The following NDRG1 variants were observed in gnomAD, a reference collection of about 807,000 sequenced individuals.
The protein encoded by NDRG1 is N-myc downstream regulated 1.
In NDRG1, 32 loss-of-function variants were observed where a neutral mutation model predicts 56.9. The observed-to-expected ratio is 0.56, with a 90% confidence interval of 0.42 to 0.76. The LOEUF is 0.76. Among genes scored for constraint, NDRG1 ranks in the 30% least tolerant of loss-of-function variants. The probability of loss-of-function intolerance (pLI) is 0.00; values close to 1 mark genes in which losing one functional copy is unlikely to be tolerated. For synonymous variants in NDRG1, 211 were observed against 204.1 expected (o/e 1.03, Z -0.29); for missense variants, 507 against 545.7 (o/e 0.93, Z 0.71).
chr8:133,258,730 A>T (rs1410151926), intron 6 of NDRG1, among the ~76,000 whole-genome samples: 1 of 152,274 alleles, frequency 6.6e-6, no homozygotes, highest in African/African-American at 2.4e-5. Context: ...TTTATTTTGG[A>T]TTCTAAAACT....
intron 3 of NDRG1, among the ~76,000 whole-genome samples, chr8:133,268,629 C>T (rs1003775009): frequency 1.1e-4 from 17 of 152,236 alleles, no homozygotes; most frequent in Admixed American, 3.3e-4. Context: ...CACCGGGAGG[C>T]CCATCAATCC....
At chr8:133,241,998 T>C (rs1344447229) in intron 15 of NDRG1, 25 bp downstream of exon 15, 1 of 1,613,920 alleles carries the variant, frequency 6.2e-7, no homozygotes, top group Non-Finnish European at 8.5e-7. Flanking sequence ...CCCGACCCAC[T>C]GCACACGGGG....
chr8:133,275,823 T>C (rs890628999), intron 3 of NDRG1, among the ~76,000 whole-genome samples: 1 of 152,150 alleles, frequency 6.6e-6, no homozygotes, highest in Admixed American at 6.5e-5. Flanking sequence ...GTCCTCTCTC[T>C]CCGTAGGATG....
chr8:133,274,505 G>A (rs1857355595), intron 3 of NDRG1, among the ~76,000 whole-genome samples: 1 of 152,156 alleles, frequency 6.6e-6, no homozygotes, highest in Non-Finnish European at 1.5e-5. Flanking sequence ...CTATGCCCAG[G>A]GCAAGAACTG....
chr8:133,269,651 C>CTGTT (rs1857093718), intron 3 of NDRG1, among the ~76,000 whole-genome samples: 1 of 152,222 alleles, frequency 6.6e-6, no homozygotes, highest in Non-Finnish European at 1.5e-5. Context: ...CATCCAAAGC[C>CTGTT]TGTTCTCTTT....
chr8:133,288,747 C>G (rs528925886), intron 1 of NDRG1, among the ~76,000 whole-genome samples: 2 of 152,356 alleles, frequency 1.3e-5, no homozygotes, highest in East Asian at 3.9e-4. Flanking sequence ...CCACCAGCCC[C>G]ACCTTTGGAG....
At chr8:133,246,504 T>C (rs949922257) in intron 13 of NDRG1, 112 bp downstream of exon 13, 11 of 1,100,718 alleles carry the variant, frequency 1.0e-5, no homozygotes, top group South Asian at 9.9e-5. Context: ...TCATTAATTC[T>C]ATAGTTTCTG....
chr8:133,291,072 G>A (rs1025929582), intron 1 of NDRG1, among the ~76,000 whole-genome samples: 4 of 152,098 alleles, frequency 2.6e-5, no homozygotes, highest in Admixed American at 6.5e-5. Context: ...GGGGGAGGGC[G>A]GACAACAGTC....
chr8:133,253,801 C>A (rs1856207784), intron 9 of NDRG1, among the ~76,000 whole-genome samples: 1 of 152,294 alleles, frequency 6.6e-6, no homozygotes, highest in South Asian at 2.1e-4. Context: ...TGGGCTCAAG[C>A]AATCCTCCTG....
intron 1 of NDRG1, among the ~76,000 whole-genome samples, chr8:133,295,715 A>G (rs769930676): frequency 2.0e-4 from 30 of 152,164 alleles, no homozygotes; most frequent in Non-Finnish European, 3.7e-4. Context: ...GTTTGTATTT[A>G]GATATGTTCT....
At chr8:133,247,974 A>G in intron 11 of NDRG1, 48 bp from the exon 12 acceptor site, 1 of 1,591,932 alleles carries the variant, frequency 6.3e-7, no homozygotes, top group East Asian at 2.2e-5. Context: ...TCCTTTAAAG[A>G]TTGTCCCACT....
intron 1 of NDRG1, among the ~76,000 whole-genome samples, chr8:133,296,216 T>C (rs1586512596): frequency 1.8e-5 from 2 of 111,694 alleles, no homozygotes; most frequent in Non-Finnish European, 3.5e-5. Flanking sequence ...TTTTCCCCCG[T>C]GGAGGGCAGG....
chr8:133,260,120 G>T (rs1315760330), intron 5 of NDRG1, among the ~76,000 whole-genome samples: 1 of 152,218 alleles, frequency 6.6e-6, no homozygotes, highest in African/African-American at 2.4e-5. Flanking sequence ...CCTAAGGTGT[G>T]ACACTGGAGA....
At position 133,246,604 on chromosome 8, in the gene NDRG1, T is replaced by C. The variant is rs771580539; in HGVS notation, c.855+12A>G. 1.9e-6 allele frequency: 3 copies of C among 1,613,976 alleles called. No homozygotes were observed. The South Asian group carries it at 3.3e-5, about 18-fold the overall frequency. On this transcript the variant is annotated intron_variant, in intron 13 of 15. Transcript: ENST00000323851. The stretch of plus-strand genomic sequence containing the variant: ...AAATAACAAACACGAACCCCCACTG[T>C]TTTCCCTGTACCTTGAGGAGAGTGG...
rs1856520326 is a variant in NDRG1 at position 133,258,870 on chromosome 8, C to G, written c.389+298G>C. ...GGACTCAGGCAACTCCATTCCAGAA[C>G]ATTCCATGGGAAAGAGAAGGGAATG... On this transcript the variant is annotated intron_variant, in intron 6 of 15. Coordinates refer to ENST00000323851, the MANE Select transcript of NDRG1 (RefSeq NM_006096.4). 6 of 533,062 alleles carry G rather than the reference C, an allele frequency of 1.1e-5. No individual in the cohort carries two copies. The Admixed American group carries it at 1.9e-4, about 17-fold the overall frequency. 33.0% of individuals were successfully genotyped at this position (533,062 alleles called of 1,614,324 possible).
At chr8:133,265,417 T>G (rs1288606460) in intron 3 of NDRG1, among the ~76,000 whole-genome samples, 1 of 152,018 alleles carries the variant, frequency 6.6e-6, no homozygotes, top group Non-Finnish European at 1.5e-5. Context: ...TGAAAGACGG[T>G]TTGGGGATGG....
In NDRG1 at chr8:133,238,730, T is replaced by C. The variant is rs1855200674; in HGVS notation, c.*148A>G. ...AGGGCACCCACGTAATAGACCTCAT[T>C]TGTCTCCACCAGAGCTCACTCTTAC... On this transcript the variant is annotated 3_prime_UTR_variant, in exon 16 of 16. Transcript: ENST00000323851. 9.8e-7 allele frequency: 1 copy of C among 1,016,920 alleles called. No homozygotes were observed. Among genetic ancestry groups the C allele is most frequent in the Non-Finnish European group, 1.4e-6 (1 of 716,436 alleles). 63.0% of individuals were successfully genotyped at this position (1,016,920 alleles called of 1,614,324 possible).
chr8:133,238,830 G>A lies in NDRG1; in HGVS notation c.*48C>T, dbSNP rs1390985905. 20 of 1,529,484 alleles carry A rather than the reference G, an allele frequency of 1.3e-5. No homozygotes were observed. Among genetic ancestry groups the A allele is most frequent in the Non-Finnish European group, 1.8e-5 (20 of 1,141,412 alleles). 94.7% of individuals were successfully genotyped at this position (1,529,484 alleles called of 1,614,324 possible). On this transcript the variant is annotated 3_prime_UTR_variant, in exon 16 of 16. Coordinates refer to ENST00000323851, the MANE Select transcript of NDRG1 (RefSeq NM_006096.4). ...GGGCGAAAAGGGGCCGGGGAGGAGG[G>A]GGCCACTACAGAGATCAGAGTCCGG...
intron 4 of NDRG1, 121 bp from the exon 5 acceptor site, chr8:133,262,288 G>A: frequency 7.7e-7 from 1 of 1,291,850 alleles, no homozygotes; most frequent in Non-Finnish European, 1.1e-6. Context: ...AGTGAACTTA[G>A]AAGAACACAG....
Sources: gnomAD v4.1 joint callset for allele counts (sites outside exome capture counted in the v4.1 genomes callset) on GRCh38, gnomAD v4.1.1 for gene constraint, MANE v1.5 for transcripts, NCBI Gene and HGNC (gene_info 2026-07-23, HGNC 2026-07-21) for gene names.